Variants in LZIC observed in about 807,000 individuals in gnomAD.
LZIC encodes the protein leucine zipper and CTNNBIP1 domain containing.
A neutral mutation model predicts 25.4 loss-of-function variants in LZIC; 28 were observed. The ratio of observed to expected loss-of-function variants is 1.10; its 90% confidence interval spans 0.82 to 1.51. The LOEUF (loss-of-function observed/expected upper bound fraction) is 1.51, where lower values mean the gene tolerates loss of function less well. Among genes scored for constraint, LZIC ranks in the 40% most tolerant of loss-of-function variants. LZIC has a pLI of 0.00. For synonymous variants in LZIC, 65 were observed against 70.7 expected (o/e 0.92, Z 0.40); for missense variants, 170 against 211.1 (o/e 0.81, Z 1.21).
Position 9,929,935 on chromosome 1 carries a change from A to G in LZIC, c.*464T>C. 1 of 966,056 alleles carries G rather than the reference A, an allele frequency of 1.0e-6. No homozygotes were observed. The highest frequency in any genetic ancestry group is 1.2e-6 in the Non-Finnish European group (1 of 812,226). 59.8% of individuals were successfully genotyped at this position (966,056 alleles called of 1,614,324 possible). A position where few individuals can be genotyped will look rare whatever the true frequency, so the allele number is the denominator to read the frequency against. On this transcript the variant is annotated 3_prime_UTR_variant, in exon 8 of 8. Transcript: ENST00000377223. Reference sequence around the variant, plus strand: ...CCTCAGTTTCCTTGTTTGTAAAAACAGAAATGATTTCTAAGATCACTCAGA... The same window carrying G: ...CCTCAGTTTCCTTGTTTGTAAAAACGGAAATGATTTCTAAGATCACTCAGA...
chr1:9,936,680 T>C (rs1640472619), intron 2 of LZIC, 53 bp from the exon 3 acceptor site: 9 of 1,171,718 alleles, frequency 7.7e-6, no homozygotes, highest in Non-Finnish European at 1.1e-5. Context: ...ACCAGTGCAA[T>C]TTTTTTAAGT....
Position 9,929,522 on chromosome 1 carries a change from C to G in LZIC, c.*877G>C, listed in dbSNP as rs369066356. On this transcript the variant is annotated 3_prime_UTR_variant, in exon 8 of 8. Transcript: ENST00000377223. Reference sequence around the variant, plus strand: ...GTAGATAACAGCTGACAGTTACCCCCCTCTGAGTGTGACAAGAGGTCACGC... The same window carrying G: ...GTAGATAACAGCTGACAGTTACCCCGCTCTGAGTGTGACAAGAGGTCACGC... 7.1e-6 allele frequency: 7 copies of G among 985,336 alleles called. No homozygotes were observed. The highest frequency in any genetic ancestry group is 4.7e-5 in the South Asian group (1 of 21,278). The allele number at this position is 985,336 out of a possible 1,614,324, so 61.0% of individuals were successfully genotyped here.
Position 9,932,827 on chromosome 1 carries a change from TGTTA to T in LZIC, c.404_407del (p.Leu135GlnfsTer10). On this transcript the variant is annotated frameshift_variant, in exon 6 of 8. Transcript: ENST00000377223. LOFTEE classifies it high-confidence loss of function. ...CCTTCTCTCCAAGTTTCCTAAGAGCTGTTAGTATCTCCACTTTCTGTTGAGTGTA... is the reference window on the plus strand; with the variant it reads ...CCTTCTCTCCAAGTTTCCTAAGAGCTGTATCTCCACTTTCTGTTGAGTGTA... 1 of 1,609,744 alleles carries T rather than the reference TGTTA, an allele frequency of 6.2e-7. No individual in the cohort carries two copies. Among genetic ancestry groups the T allele is most frequent in the Non-Finnish European group, 8.5e-7 (1 of 1,176,212 alleles).
In LZIC at chr1:9,932,830, T is replaced by C. The variant is rs1207444971; in HGVS notation, c.405A>G (p.Leu135=). 6.2e-7 allele frequency: 1 copy of C among 1,610,906 alleles called. No individual in the cohort carries two copies. Among genetic ancestry groups the C allele is most frequent in the African/African-American group, 1.3e-5 (1 of 74,868 alleles). The change falls in exon 6 of 8, where the codon CTA becomes CTG. Residue 135 remains leucine, a synonymous_variant. Transcript: ENST00000377223. ...TCTCTCCAAGTTTCCTAAGAGCTGT[T>C]AGTATCTCCACTTTCTGTTGAGTGT... is the stretch of plus-strand genomic sequence containing the variant. ...DLYTQQKVEI[L]TALRKLGEKL... is the part of the protein sequence containing the mutation.
chr1:9,942,670 A>G lies in LZIC; in HGVS notation c.-55T>C. On this transcript the variant is annotated 5_prime_UTR_variant, in exon 2 of 8. Coordinates refer to ENST00000377223, the MANE Select transcript of LZIC (RefSeq NM_032368.5). ...TCTGCACAGTGCCGACCGGTCTCAA[A>G]TTGCACAAACCTCCAGTTCTTGACG... The G allele has an allele frequency of 7.8e-7, 1 of 1,289,358 alleles. No individual in the cohort carries two copies. The highest frequency in any genetic ancestry group is 1.0e-6 in the Non-Finnish European group (1 of 988,836). The allele number at this position is 1,289,358 out of a possible 1,614,324, so 79.9% of individuals were successfully genotyped here. A position where few individuals can be genotyped will look rare whatever the true frequency, so the allele number is the denominator to read the frequency against.
intron 2 of LZIC, among the ~76,000 whole-genome samples, chr1:9,941,046 T>C (rs1046936562): frequency 2.0e-5 from 3 of 152,198 alleles, no homozygotes; most frequent in African/African-American, 7.2e-5. Flanking sequence ...TGCATTTTTT[T>C]TTCTACCTAT....
In LZIC at chr1:9,932,843, T is replaced by C. The variant is rs1432654393; in HGVS notation, c.392A>G (p.Lys131Arg). Residue 131 changes from lysine (K) to arginine (R), a missense_variant, in exon 6 of 8, where the codon AAA becomes AGA. Physicochemically the swap from Lys to Arg is conservative, Grantham distance 26. Coordinates refer to ENST00000377223, the MANE Select transcript of LZIC (RefSeq NM_032368.5). The part of the protein sequence containing the change: ...KLERDLYTQQ[K>R]VEILTALRKL... Reference sequence around the variant, plus strand: ...CCTAAGAGCTGTTAGTATCTCCACTTTCTGTTGAGTGTACAGGTCTCTTTC... The same window carrying C: ...CCTAAGAGCTGTTAGTATCTCCACTCTCTGTTGAGTGTACAGGTCTCTTTC... 1.2e-6 allele frequency: 2 copies of C among 1,612,916 alleles called. No homozygotes were observed. The highest frequency in any genetic ancestry group is 1.7e-6 in the Non-Finnish European group (2 of 1,179,138).
At chr1:9,935,928 G>A (rs947456506) in intron 3 of LZIC, among the ~76,000 whole-genome samples, 3 of 152,086 alleles carry the variant, frequency 2.0e-5, no homozygotes, top group East Asian at 1.9e-4. Flanking sequence ...TCAGGAGTTC[G>A]AGGCCAGCCT....
downstream of LZIC, chr1:9,922,302 C>A (rs1639884739): frequency 1.0e-6 from 1 of 985,328 alleles, no homozygotes; most frequent in Non-Finnish European, 1.2e-6. Flanking sequence ...CTGGGGACAT[C>A]AATATTTTTG....
chr1:9,938,825 T>A (rs1570649321), intron 2 of LZIC, among the ~76,000 whole-genome samples: 3 of 152,338 alleles, frequency 2.0e-5, no homozygotes, highest in Admixed American at 1.3e-4. Flanking sequence ...TTATACATCT[T>A]TATATTCAAG....
At chr1:9,923,430 G>C (rs1264683954), downstream of LZIC, among the ~76,000 whole-genome samples, 2 of 151,062 alleles carry the variant, frequency 1.3e-5, no homozygotes, top group Non-Finnish European at 2.9e-5. Flanking sequence ...GGCTGATCTC[G>C]AACTCCTGAC....
chr1:9,922,660 C>T (rs1012239101), downstream of LZIC, among the ~76,000 whole-genome samples: 1 of 152,202 alleles, frequency 6.6e-6, no homozygotes, highest in Non-Finnish European at 1.5e-5. Flanking sequence ...GAAAGAGGCA[C>T]TTATTTCACT....
At chr1:9,923,515 CTTCTTT>C (rs1430088411), downstream of LZIC, among the ~76,000 whole-genome samples, 1 of 98,126 alleles carries the variant, frequency 1.0e-5, no homozygotes, top group Non-Finnish European at 1.9e-5. Context: ...TGGCCCAATG[CTTCTTT>C]TTTTTTTTTT....
rs898934068 is a variant in LZIC at position 9,927,310 on chromosome 1, CTCTT to C, written c.*3085_*3088del. ...TTAAGGATTCCAGATTCAGGTAACT[CTCTT>C]TATCTTTTTTTTAGACAGGGGTCTC... On this transcript the variant is annotated 3_prime_UTR_variant, in exon 8 of 8. Transcript: ENST00000377223. Among the ~76,000 whole-genome samples, 3 of 152,082 alleles carry C rather than the reference CTCTT, an allele frequency of 2.0e-5. No homozygotes were observed. The highest frequency in any genetic ancestry group is 4.4e-5 in the Non-Finnish European group (3 of 67,994).
intron 6 of LZIC, 114 bp downstream of exon 6, chr1:9,932,689 A>G: frequency 9.8e-6 from 5 of 512,636 alleles, no homozygotes; most frequent in South Asian, 8.4e-5. Context: ...GTCTCAGAAA[A>G]AAAAAAAAAA....
Position 9,936,542 on chromosome 1 carries a change from T to C in LZIC, c.78A>G (p.Gln26=). 1.2e-6 allele frequency: 2 copies of C among 1,612,694 alleles called. No homozygotes were observed. The highest frequency in any genetic ancestry group is 1.7e-6 in the Non-Finnish European group (2 of 1,178,732). ...ACCTGCATTCCTCCAGATCTTGTAATTGTTGCATGAGTCTATCCAACTGTT... is the reference window on the plus strand; with the variant it reads ...ACCTGCATTCCTCCAGATCTTGTAACTGTTGCATGAGTCTATCCAACTGTT... ...LEEQLDRLMQ[Q]LQDLEECREE... The change falls in exon 3 of 8, where the codon CAA becomes CAG. Residue 26 remains glutamine, a synonymous_variant. Transcript: ENST00000377223.
rs1640111582 is a variant in LZIC, at chr1:9,929,169, T to C, written c.*1230A>G. Reference sequence around the variant, plus strand: ...GAATGGTACACTTTAAAATGGTGAATTTTATGATATATGAATTTCACCTCT... The same window carrying C: ...GAATGGTACACTTTAAAATGGTGAACTTTATGATATATGAATTTCACCTCT... On this transcript the variant is annotated 3_prime_UTR_variant, in exon 8 of 8. Coordinates refer to ENST00000377223, the MANE Select transcript of LZIC (RefSeq NM_032368.5). 8.7e-6 allele frequency: 3 copies of C among 343,204 alleles called. No homozygotes were observed. The South Asian group carries it at 3.5e-4, about 40-fold the overall frequency. The allele number at this position is 343,204 out of a possible 1,614,324, so 21.3% of individuals were successfully genotyped here. A position where few individuals can be genotyped will look rare whatever the true frequency, so the allele number is the denominator to read the frequency against.
chr1:9,934,704 G>T, intron 5 of LZIC, 58 bp downstream of exon 5: 1 of 1,445,490 alleles, frequency 6.9e-7, no homozygotes, highest in Non-Finnish European at 9.7e-7. Flanking sequence ...ATATCATAAT[G>T]AATTGGCCTA....
chr1:9,922,417 G>A, downstream of LZIC: 1 of 646,848 alleles, frequency 1.5e-6, no homozygotes, highest in Non-Finnish European at 1.9e-6. Context: ...TTCACTTAAA[G>A]AATTCAAAGG....
Sources: allele counts gnomAD v4.1 joint callset (sites outside exome capture counted in the v4.1 genomes callset), GRCh38; gene constraint gnomAD v4.1.1; transcripts MANE v1.5; gene names NCBI Gene and HGNC (gene_info 2026-07-23, HGNC 2026-07-21).